The following PIGN variants were observed in gnomAD, a reference collection of about 807,000 sequenced individuals.
PIGN encodes the protein GPI ethanolamine phosphate transferase 1.
In PIGN, 117 loss-of-function variants were observed where a neutral mutation model predicts 125.4. That is an observed-to-expected ratio of 0.93 (90% CI 0.80 to 1.09). PIGN has a LOEUF of 1.09. Ranked by LOEUF, PIGN falls within the 50% of genes least tolerant of loss-of-function variation. The pLI is 0.00. For missense variants in PIGN, 1,075 were observed against 1,094.9 expected (o/e 0.98, Z 0.26); for synonymous variants, 392 against 377.8 (o/e 1.04, Z -0.44).
chr18:62,164,067 T>A (rs2037047845), intron 1 of PIGN, among the ~76,000 whole-genome samples: 1 of 152,228 alleles, frequency 6.6e-6, no homozygotes, highest in Non-Finnish European at 1.5e-5. Context: ...GTTTTGGTTA[T>A]CCAGTCACTT....
intron 22 of PIGN, among the ~76,000 whole-genome samples, chr18:62,100,099 A>G (rs573288261): frequency 6.6e-6 from 1 of 152,256 alleles, no homozygotes; most frequent in East Asian, 1.9e-4. Context: ...AATATATAAA[A>G]AGTACAAACA....
At chr18:62,113,783 C>T (rs764970029) in intron 15 of PIGN, among the ~76,000 whole-genome samples, 16 of 151,840 alleles carry the variant, frequency 1.1e-4, no homozygotes, top group Non-Finnish European at 2.2e-4. Context: ...TAGAAATGCA[C>T]GGATTGGCAA....
intron 22 of PIGN, among the ~76,000 whole-genome samples, chr18:62,097,848 A>C (rs1289272842): frequency 6.6e-6 from 1 of 152,062 alleles, no homozygotes; most frequent in East Asian, 1.9e-4. Flanking sequence ...CAACTACCCA[A>C]GTGGAGGAAG....
chr18:62,038,319 T>TTTTC (rs1486175454), downstream of PIGN, among the ~76,000 whole-genome samples: 1 of 150,470 alleles, frequency 6.6e-6, no homozygotes, highest in African/African-American at 2.5e-5. Flanking sequence ...TTTTTTTTTT[T>TTTTC]TTTTTTTTTG....
intron 22 of PIGN, among the ~76,000 whole-genome samples, chr18:62,100,588 T>C (rs1307965187): frequency 5.9e-5 from 9 of 152,234 alleles, no homozygotes; most frequent in Non-Finnish European, 1.3e-4. Flanking sequence ...CACACATATA[T>C]TCCAACATTC....
chr18:62,079,357 T>C (rs1295786038), intron 28 of PIGN, among the ~76,000 whole-genome samples: 1 of 152,208 alleles, frequency 6.6e-6, no homozygotes, highest in Non-Finnish European at 1.5e-5. Flanking sequence ...GTATCACCAG[T>C]GGCTAGTACA....
intron 11 of PIGN, 39 bp from the exon 12 acceptor site, chr18:62,140,518 C>T (rs1451922143): frequency 9.5e-7 from 1 of 1,051,880 alleles, no homozygotes; most frequent in Non-Finnish European, 1.4e-6. Context: ...AGTCTATGGA[C>T]ATCAACAAAG....
chr18:62,070,773 G>A (rs193244634), intron 30 of PIGN, among the ~76,000 whole-genome samples: 3 of 152,082 alleles, frequency 2.0e-5, no homozygotes, highest in Admixed American at 1.3e-4. Flanking sequence ...CTGACTTTTT[G>A]TTCAGATTAT....
chr18:62,030,016 C>T (rs151323753), intron 23 of PIGN, among the ~76,000 whole-genome samples: 3,184 of 152,254 alleles, frequency 0.021, 56 homozygotes, highest in Admixed American at 0.043. Flanking sequence ...AACAGGTCCT[C>T]CTCTCATTAT....
rs376349268 is a variant in PIGN at position 62,030,129 on chromosome 18, A to C, written c.2143-12388T>G. Among the ~76,000 whole-genome samples the C allele has an allele frequency of 2.9e-4, 44 of 152,338 alleles. 2 individuals carry two copies. The highest frequency in any genetic ancestry group is 1.1e-3 in the African/African-American group (44 of 41,590). ...AGACTGACATGAGATAAGATCTTAT[A>C]AGCCAGAATGTCGGTTAGCATTACA... On this transcript the variant is annotated intron_variant, in intron 23 of 24. Transcript: ENST00000639600.
intron 28 of PIGN, among the ~76,000 whole-genome samples, chr18:62,079,761 A>G (rs1382747944): frequency 1.3e-5 from 2 of 151,700 alleles, no homozygotes; most frequent in Non-Finnish European, 2.9e-5. Context: ...CATAGACTTT[A>G]AGATAAAAAC....
intron 30 of PIGN, among the ~76,000 whole-genome samples, chr18:62,062,882 C>CTTTTTTTTTTTTTTTTTTTTTTTTTCTTT (rs2032245979): frequency 4.7e-5 from 1 of 21,076 alleles, no homozygotes; most frequent in African/African-American, 2.4e-4. Context: ...TTGTATTCTG[C>CTTTTTTTTTTTTTTTTTTTTTTTTTCTTT]TTTTTTTTTT....
At chr18:62,035,772 C>T (rs905487476) in intron 23 of PIGN, among the ~76,000 whole-genome samples, 11 of 151,074 alleles carry the variant, frequency 7.3e-5, no homozygotes, top group East Asian at 3.9e-4. Flanking sequence ...TGAGAACATG[C>T]GGTGTTTGAA....
At position 62,117,792 on chromosome 18, in the gene PIGN, C is replaced by T. The variant is rs1599560816; in HGVS notation, c.1173-3153G>A. ...TCATCAAAGCTATTTTTTTTAGCTC[C>T]CACATATGAGTGAGAACATGTAAAA... is the stretch of plus-strand genomic sequence containing the variant. On this transcript the variant is annotated intron_variant, in intron 14 of 30. Coordinates refer to ENST00000640252, the MANE Select transcript of PIGN (RefSeq NM_176787.5). Among the ~76,000 whole-genome samples, 4 of 151,958 alleles carry T rather than the reference C, an allele frequency of 2.6e-5. No individual in the cohort carries two copies. The South Asian group carries it at 8.3e-4, about 32-fold the overall frequency.
At chr18:62,027,879 C>T (rs2030144056) in intron 23 of PIGN, among the ~76,000 whole-genome samples, 1 of 151,350 alleles carries the variant, frequency 6.6e-6, no homozygotes, top group Non-Finnish European at 1.5e-5. Flanking sequence ...TGCACTTCAG[C>T]CTGAGTGATA....
chr18:62,152,979 G>A (rs995630702), intron 7 of PIGN, among the ~76,000 whole-genome samples: 7 of 151,970 alleles, frequency 4.6e-5, no homozygotes, highest in Admixed American at 1.3e-4. Context: ...CATGAAGTTC[G>A]AGTAAAACCC....
At chr18:62,098,271 T>G (rs2034292703) in intron 22 of PIGN, among the ~76,000 whole-genome samples, 1 of 152,194 alleles carries the variant, frequency 6.6e-6, no homozygotes. Context: ...GAAGTTACAT[T>G]TTTTAATACC....
chr18:62,127,273 A>T (rs1408942159), intron 14 of PIGN, among the ~76,000 whole-genome samples: 2 of 152,170 alleles, frequency 1.3e-5, no homozygotes, highest in Non-Finnish European at 2.9e-5. Context: ...CCAACCAAAC[A>T]TCATAGCTTA....
chr18:62,030,320 T>G (rs1434559373), intron 23 of PIGN, among the ~76,000 whole-genome samples: 1 of 152,144 alleles, frequency 6.6e-6, no homozygotes, highest in Non-Finnish European at 1.5e-5. Context: ...ACAGAGATCC[T>G]GGGGGGACAT....
Sources: gnomAD v4.1 joint callset for allele counts (sites outside exome capture counted in the v4.1 genomes callset) on GRCh38, gnomAD v4.1.1 for gene constraint, MANE v1.5 for transcripts, NCBI Gene and HGNC (gene_info 2026-07-23, HGNC 2026-07-21) for gene names.